SLC6A12: variants seen among roughly 807,000 people sequenced by gnomAD.
SLC6A12 encodes the protein sodium- and chloride-dependent betaine transporter.
In SLC6A12, 50 loss-of-function variants were observed where a neutral mutation model predicts 73.3. The observed-to-expected ratio is 0.68, with a 90% CI of 0.54 to 0.86. The LOEUF (loss-of-function observed/expected upper bound fraction) is 0.86. SLC6A12 is among the 40% of genes least tolerant of loss of function. The pLI is 0.00. For synonymous variants in SLC6A12, 304 were observed against 309.2 expected (o/e 0.98, Z 0.18); for missense variants, 648 against 772.8 (o/e 0.84, Z 1.92).
intron 3 of SLC6A12, chr12:209,552 C>T (rs1940816565): frequency 3.4e-6 from 2 of 589,864 alleles, no homozygotes; most frequent in East Asian, 2.9e-5. Flanking sequence ...CTGCCCATTG[C>T]CCAGTTTCAT....
At position 192,681 on chromosome 12, in the gene SLC6A12, T is replaced by C. The variant is rs1565465208; in HGVS notation, c.1531-33A>G. 5.0e-6 allele frequency: 8 copies of C among 1,607,146 alleles called. No homozygotes were observed. The East Asian group carries it at 6.7e-5, about 13-fold the overall frequency. On this transcript the variant is annotated intron_variant, in intron 14 of 15. Coordinates refer to ENST00000684302, the MANE Select transcript of SLC6A12 (RefSeq NM_001122848.3). ...AAGGAAGGGGCAGCCATGGGTAAGATAGGGGGCGACTGAAACCCTCTCCGC... is the reference window on the plus strand; with the variant it reads ...AAGGAAGGGGCAGCCATGGGTAAGACAGGGGGCGACTGAAACCCTCTCCGC...
At chr12:184,924 C>CTG in the SLC6A12 span, among the ~76,000 whole-genome samples, 71,280 of 148,350 alleles carry the variant, frequency 0.48, 17,884 homozygotes, top group African/African-American at 0.65. Context: ...CAGAATGAAA[C>CTG]TGTCTCAAAA....
intron 3 of SLC6A12, 165 bp from the exon 4 acceptor site, chr12:204,863 G>T: frequency 1.5e-6 from 1 of 683,102 alleles, no homozygotes; most frequent in Non-Finnish European, 2.5e-6. Flanking sequence ...AGTCCTGAGT[G>T]TTAGGCAGGC....
At chr12:208,840 G>A (rs1204904842) in intron 3 of SLC6A12, among the ~76,000 whole-genome samples, 2 of 152,188 alleles carry the variant, frequency 1.3e-5, no homozygotes, top group East Asian at 3.9e-4. Flanking sequence ...TAAGGAACTG[G>A]CCCCTCCCCA....
At chr12:193,193 C>A in intron 14 of SLC6A12, 84 bp downstream of exon 14, 1 of 956,320 alleles carries the variant, frequency 1.0e-6, no homozygotes, top group Non-Finnish European at 1.7e-6. Flanking sequence ...GGGGAAAGAG[C>A]CCTGCATGTC....
Position 198,956 on chromosome 12 carries a change from G to T in SLC6A12, c.712-25C>A. On this transcript the variant is annotated intron_variant, in intron 7 of 15. Transcript: ENST00000684302. The surrounding 1 kb of genome is among the most constrained non-coding windows in gnomAD (Gnocchi z 4.0). ...CCTGGAGGTGGGGGGACAGGCCAAGGTCACTCCTGGTGGGGACGCAGTGGC... is the reference window on the plus strand; with the variant it reads ...CCTGGAGGTGGGGGGACAGGCCAAGTTCACTCCTGGTGGGGACGCAGTGGC... 1 of 1,613,358 alleles carries T rather than the reference G, an allele frequency of 6.2e-7. No homozygotes were observed. The highest frequency in any genetic ancestry group is 1.1e-5 in the South Asian group (1 of 91,058).
downstream of SLC6A12, among the ~76,000 whole-genome samples, chr12:187,307 C>G (rs1270217622): frequency 6.6e-6 from 1 of 152,024 alleles, no homozygotes; most frequent in Non-Finnish European, 1.5e-5. Flanking sequence ...TTCTTAAAGG[C>G]GGCGTGTCCG....
intron 3 of SLC6A12, among the ~76,000 whole-genome samples, chr12:208,611 T>C (rs966903673): frequency 1.3e-4 from 20 of 152,136 alleles, no homozygotes; most frequent in African/African-American, 4.8e-4. Context: ...GGACGGCGCA[T>C]TGAACGATTG....
downstream of SLC6A12, among the ~76,000 whole-genome samples, chr12:189,542 T>C (rs1254509330): frequency 1.3e-5 from 2 of 152,164 alleles, no homozygotes; most frequent in African/African-American, 4.8e-5. Context: ...TGATTTCTCC[T>C]GCAGCCCCTG....
downstream of SLC6A12, among the ~76,000 whole-genome samples, chr12:187,396 T>C (rs1939449577): frequency 6.6e-6 from 1 of 151,294 alleles, no homozygotes; most frequent in Non-Finnish European, 1.5e-5. Flanking sequence ...AGCTCCGGAG[T>C]GAAACTGCGG....
downstream of SLC6A12, among the ~76,000 whole-genome samples, chr12:187,547 A>T (rs999391900): frequency 7.2e-6 from 1 of 138,908 alleles, no homozygotes; most frequent in African/African-American, 2.6e-5. Flanking sequence ...AAGGCAGAGT[A>T]GACCCAAACA....
intron 2 of SLC6A12, among the ~76,000 whole-genome samples, chr12:211,588 C>A (rs1288031649): frequency 6.6e-6 from 1 of 152,058 alleles, no homozygotes; most frequent in East Asian, 1.9e-4. Context: ...AGCACTGGAG[C>A]CTGGGGATGA....
intron 12 of SLC6A12, 144 bp downstream of exon 12, chr12:195,980 T>C: frequency 1.4e-6 from 1 of 718,690 alleles, no homozygotes; most frequent in Non-Finnish European, 2.3e-6. Context: ...GTGTGGTCCC[T>C]ACAACCTCAC....
At chr12:204,808 A>G in intron 3 of SLC6A12, 110 bp from the exon 4 acceptor site, 6 of 1,261,900 alleles carry the variant, frequency 4.8e-6, no homozygotes, top group Non-Finnish European at 6.7e-6. Context: ...CCTGTTCTTA[A>G]TCTCCCTCCT....
Position 191,024 on chromosome 12 carries a change from A to T in SLC6A12, c.*44T>A. On this transcript the variant is annotated 3_prime_UTR_variant, in exon 16 of 16. Coordinates refer to ENST00000684302, the MANE Select transcript of SLC6A12 (RefSeq NM_001122848.3). ...CCGCTGAGAATGGAGGGTGGCCCTG[A>T]CCTAGGTTCCCGGCTTAGGAGCCGC... 1 of 1,281,464 alleles carries T rather than the reference A, an allele frequency of 7.8e-7. No individual in the cohort carries two copies. The highest frequency in any genetic ancestry group is 2.9e-5 in the East Asian group (1 of 34,518). 79.4% of individuals were successfully genotyped at this position (1,281,464 alleles called of 1,614,324 possible).
chr12:204,547 T>C lies in SLC6A12; in HGVS notation c.349+17A>G. Reference sequence around the variant, plus strand: ...GATGGCGGCCCCATGAAGGGGAAGGTGGGGGAGGATACATACCCTGGAAGA... The same window carrying C: ...GATGGCGGCCCCATGAAGGGGAAGGCGGGGGAGGATACATACCCTGGAAGA... On this transcript the variant is annotated intron_variant, in intron 4 of 15. Coordinates refer to ENST00000684302, the MANE Select transcript of SLC6A12 (RefSeq NM_001122848.3). 6.2e-7 allele frequency: 1 copy of C among 1,613,106 alleles called. No individual in the cohort carries two copies. Among genetic ancestry groups the C allele is most frequent in the Non-Finnish European group, 8.5e-7 (1 of 1,179,490 alleles).
chr12:193,039 G>A, intron 14 of SLC6A12: 1 of 537,912 alleles, frequency 1.9e-6, no homozygotes, highest in African/African-American at 1.9e-5. Context: ...AGAAGCAGGA[G>A]GCACTGTGAG....
chr12:208,905 A>G (rs1319411837), intron 3 of SLC6A12, among the ~76,000 whole-genome samples: 4 of 152,040 alleles, frequency 2.6e-5, no homozygotes, highest in African/African-American at 9.7e-5. Context: ...TGTTTCTCTA[A>G]CTTGAAAAAA....
At chr12:206,817 C>T (rs748897180) in intron 3 of SLC6A12, among the ~76,000 whole-genome samples, 27 of 152,244 alleles carry the variant, frequency 1.8e-4, no homozygotes, top group Non-Finnish European at 3.7e-4. Flanking sequence ...AGGGACACGG[C>T]CTAAGGCCTC....
Sources: gnomAD v4.1 joint callset for allele counts (sites outside exome capture counted in the v4.1 genomes callset) on GRCh38, gnomAD v4.1.1 for gene constraint, Gnocchi (gnomAD v3.1) non-coding constraint, MANE v1.5 for transcripts, NCBI Gene and HGNC (gene_info 2026-07-23, HGNC 2026-07-21) for gene names.